Variants in TNFRSF8 observed in about 807,000 individuals in gnomAD.
TNFRSF8 encodes the protein tumor necrosis factor receptor superfamily member 8.
Under a neutral mutation model 70.8 loss-of-function variants are expected in TNFRSF8, and 26 were observed. That is an observed-to-expected ratio of 0.37 (90% confidence interval 0.27 to 0.51). The LOEUF (loss-of-function observed/expected upper bound fraction) is 0.51. TNFRSF8 is among the 20% of genes least tolerant of loss of function. TNFRSF8 has a pLI of 0.94. For synonymous variants in TNFRSF8, 356 were observed against 339.2 expected, an observed-to-expected ratio of 1.05 and a Z score of -0.54; for missense variants, 720 against 807.9, an observed-to-expected ratio of 0.89 and a Z score of 1.32.
rs1215755795 is a variant in TNFRSF8 at position 12,108,549 on chromosome 1, G to A, written c.422-1017G>A. On this transcript the variant is annotated intron_variant, in intron 4 of 14. Coordinates refer to ENST00000263932, the MANE Select transcript of TNFRSF8 (RefSeq NM_001243.5). This position sits in a 1 kb window ranked among gnomAD's most constrained non-coding sequence, Gnocchi z 4.0. ...ATAGTCATTTGACTGGGCTGGGCAC[G>A]GCAGCTTATGCCTGAAATCCCAGCA... is the stretch of plus-strand genomic sequence containing the variant. Among the ~76,000 whole-genome samples, 2 of 152,140 alleles carry A rather than the reference G, an allele frequency of 1.3e-5. No individual in the cohort carries two copies. The highest frequency in any genetic ancestry group is 1.3e-4 in the Admixed American group (2 of 15,276).
intron 13 of TNFRSF8, among the ~76,000 whole-genome samples, chr1:12,136,052 G>C (rs1198172712): frequency 6.6e-6 from 1 of 151,914 alleles, no homozygotes; most frequent in East Asian, 1.9e-4. Context: ...GACAGAGCAG[G>C]TGGCTATGGT....
At chr1:12,081,804 G>A (rs1490912455) in intron 1 of TNFRSF8, among the ~76,000 whole-genome samples, 1 of 152,146 alleles carries the variant, frequency 6.6e-6, no homozygotes, top group Admixed American at 6.5e-5. Context: ...GGCCAGCCAG[G>A]CCTCTCTCCT....
chr1:12,129,174 C>A lies in TNFRSF8; in HGVS notation c.1309+2938C>A, dbSNP rs572429714. 2.2e-3 allele frequency among the ~76,000 whole-genome samples: 334 copies of A among 152,186 alleles called. 2 individuals carry two copies. The highest frequency in any genetic ancestry group is 0.01 in the Middle Eastern group (3 of 294). On this transcript the variant is annotated intron_variant, in intron 12 of 14. Transcript: ENST00000263932. ...CCTTCATTTTTATGAGCACTTGAGT[C>A]ATTTTCTATTATTCCAGGGAGATTT...
At chr1:12,075,891 C>A (rs943651799) in intron 1 of TNFRSF8, among the ~76,000 whole-genome samples, 2 of 152,200 alleles carry the variant, frequency 1.3e-5, no homozygotes, top group African/African-American at 4.8e-5. Flanking sequence ...ACACCCCCAT[C>A]CGACTGGAGA....
intron 13 of TNFRSF8, among the ~76,000 whole-genome samples, chr1:12,136,665 A>G (rs1642151122): frequency 6.8e-6 from 1 of 148,052 alleles, no homozygotes; most frequent in African/African-American, 2.5e-5. Flanking sequence ...AAAAAAAAAA[A>G]AAGGCAGTCT....
At chr1:12,082,721 A>C (rs904932601) in intron 1 of TNFRSF8, among the ~76,000 whole-genome samples, 2 of 152,184 alleles carry the variant, frequency 1.3e-5, no homozygotes, top group Non-Finnish European at 2.9e-5. Context: ...TTAATGTAGG[A>C]GAATATCTAA....
chr1:12,092,787 T>C (rs977071480), intron 2 of TNFRSF8, among the ~76,000 whole-genome samples: 4 of 150,922 alleles, frequency 2.7e-5, no homozygotes, highest in African/African-American at 9.8e-5. Context: ...GGATTATAGG[T>C]GTGAGCCACC....
intron 12 of TNFRSF8, among the ~76,000 whole-genome samples, 172 bp from the exon 13 acceptor site, chr1:12,135,416 G>T (rs1272847479): frequency 6.6e-6 from 1 of 151,766 alleles, no homozygotes; most frequent in South Asian, 2.1e-4. Flanking sequence ...CCTTGAGCTG[G>T]GGTGGGCACT....
chr1:12,122,907 C>T (rs1439073372), intron 8 of TNFRSF8, among the ~76,000 whole-genome samples: 1 of 152,032 alleles, frequency 6.6e-6, no homozygotes, highest in Non-Finnish European at 1.5e-5. Context: ...CAGCTCACTG[C>T]AGCCTCCACC....
rs1050591444 is a variant in TNFRSF8 at position 12,119,226 on chromosome 1, C to T, written c.946+3497C>T. ...CCACCTTGATGTGGCTCTCCCAATG[C>T]AGACATTGGCACGTGCCAGGCCTCA... On this transcript the variant is annotated intron_variant, in intron 8 of 14. Coordinates refer to ENST00000263932, the MANE Select transcript of TNFRSF8 (RefSeq NM_001243.5). This position sits in a 1 kb window ranked among gnomAD's most constrained non-coding sequence, Gnocchi z 4.4. 3.9e-5 allele frequency among the ~76,000 whole-genome samples: 6 copies of T among 152,226 alleles called. No individual in the cohort carries two copies. The highest frequency in any genetic ancestry group is 1.4e-4 in the African/African-American group (6 of 41,468).
At chr1:12,107,956 G>A (rs1251531629) in intron 4 of TNFRSF8, among the ~76,000 whole-genome samples, 2 of 152,108 alleles carry the variant, frequency 1.3e-5, no homozygotes, top group Non-Finnish European at 1.5e-5. Flanking sequence ...GACAGAGCAG[G>A]AAATGTCTAA....
At chr1:12,125,033 A>G (rs1238152254) in intron 10 of TNFRSF8, among the ~76,000 whole-genome samples, 2 of 152,170 alleles carry the variant, frequency 1.3e-5, no homozygotes, top group Non-Finnish European at 2.9e-5. Flanking sequence ...CCGGCTGGGA[A>G]CTTGTTAGGA....
Position 12,138,823 on chromosome 1 carries a change from C to G in TNFRSF8, c.1543+387C>G, listed in dbSNP as rs945848893. On this transcript the variant is annotated intron_variant, in intron 14 of 14. Transcript: ENST00000263932. The surrounding 1 kb of genome is among the most constrained non-coding windows in gnomAD (Gnocchi z 5.7). ...TCTTCATCTCTGATGGTCTCACCACCTTCTTTGGATGGTGTCTTTCTCCCC... is the reference window on the plus strand; with the variant it reads ...TCTTCATCTCTGATGGTCTCACCACGTTCTTTGGATGGTGTCTTTCTCCCC... Among the ~76,000 whole-genome samples the G allele has an allele frequency of 6.6e-6, 1 of 152,214 alleles. No individual in the cohort carries two copies. The highest frequency in any genetic ancestry group is 1.5e-5 in the Non-Finnish European group (1 of 68,032).
At chr1:12,087,847 C>G (rs764469226) in intron 2 of TNFRSF8, among the ~76,000 whole-genome samples, 103 of 152,294 alleles carry the variant, frequency 6.8e-4, no homozygotes, top group Non-Finnish European at 1.0e-3. Context: ...GAAGAGGGGG[C>G]TCCCTCCTCC....
intron 4 of TNFRSF8, among the ~76,000 whole-genome samples, chr1:12,105,598 C>CACAT (rs1641508135): frequency 1.3e-5 from 2 of 151,034 alleles, no homozygotes; most frequent in African/African-American, 2.4e-5. Context: ...CACACACACA[C>CACAT]GGATATATAC....
rs1234569520 is a variant in TNFRSF8, at chr1:12,119,345, C to G, written c.946+3616C>G. Among the ~76,000 whole-genome samples the G allele has an allele frequency of 6.6e-6, 1 of 152,172 alleles. No individual in the cohort carries two copies. The highest frequency in any genetic ancestry group is 1.9e-4 in the East Asian group (1 of 5,188). On this transcript the variant is annotated intron_variant, in intron 8 of 14. Transcript: ENST00000263932. The surrounding 1 kb of genome is among the most constrained non-coding windows in gnomAD (Gnocchi z 4.4). Reference sequence around the variant, plus strand: ...CCCCAAAGTGCTCCAGGCGTCTCCCCCACAGTGGCAGCCTCAATTTCTCTG... The same window carrying G: ...CCCCAAAGTGCTCCAGGCGTCTCCCGCACAGTGGCAGCCTCAATTTCTCTG...
chr1:12,087,012 C>T (rs1049618048), intron 2 of TNFRSF8, among the ~76,000 whole-genome samples: 1 of 151,844 alleles, frequency 6.6e-6, no homozygotes, highest in Non-Finnish European at 1.5e-5. Context: ...CAATTATCCT[C>T]CCATTCACCG....
At chr1:12,114,846 T>C (rs923959062) in intron 7 of TNFRSF8, among the ~76,000 whole-genome samples, 1 of 151,656 alleles carries the variant, frequency 6.6e-6, no homozygotes, top group Non-Finnish European at 1.5e-5. Context: ...GTAGCTGGGA[T>C]TACAGGCACG....
rs774764703 is a variant in TNFRSF8 at position 12,110,787 on chromosome 1, G to A, written c.676+583G>A. Reference sequence around the variant, plus strand: ...CTAACTTTGTATTTTTAGTAGAGATGGGATTTCACCATGTTGGTCAGGCTG... The same window carrying A: ...CTAACTTTGTATTTTTAGTAGAGATAGGATTTCACCATGTTGGTCAGGCTG... On this transcript the variant is annotated intron_variant, in intron 6 of 14. Coordinates refer to ENST00000263932, the MANE Select transcript of TNFRSF8 (RefSeq NM_001243.5). The surrounding 1 kb of genome is among the most constrained non-coding windows in gnomAD (Gnocchi z 4.0). Among the ~76,000 whole-genome samples, 9 of 152,020 alleles carry A rather than the reference G, an allele frequency of 5.9e-5. No individual in the cohort carries two copies. Among genetic ancestry groups the A allele is most frequent in the Non-Finnish European group, 1.3e-4 (9 of 68,002 alleles).
Sources: allele counts gnomAD v4.1 joint callset (sites outside exome capture counted in the v4.1 genomes callset), GRCh38; gene constraint gnomAD v4.1.1; non-coding constraint Gnocchi (gnomAD v3.1); transcripts MANE v1.5; gene names NCBI Gene and HGNC (gene_info 2026-07-23, HGNC 2026-07-21).